The following SNX21 variants were observed in gnomAD, a reference collection of about 807,000 sequenced individuals.
The protein encoded by SNX21 is sorting nexin-21.
In SNX21, 36 loss-of-function variants were observed where a neutral mutation model predicts 30.9. The observed-to-expected ratio is 1.16, with a 90% confidence interval of 0.89 to 1.54. The LOEUF (loss-of-function observed/expected upper bound fraction) is 1.54, where lower values mean the gene tolerates loss of function less well. SNX21 is among the 40% of genes most tolerant of loss of function. The pLI is 0.00. For synonymous variants in SNX21, 218 were observed against 222.7 expected (o/e 0.98, Z 0.19); for missense variants, 508 against 516.5 (o/e 0.98, Z 0.16).
chr20:45,839,258 A>G (rs547442575), intron 3 of SNX21, among the ~76,000 whole-genome samples: 53 of 152,204 alleles, frequency 3.5e-4, no homozygotes, highest in South Asian at 1.2e-3. Flanking sequence ...GCTCACACCT[A>G]TAATCCCAGC....
At chr20:45,840,014 G>A (rs539520876) in intron 3 of SNX21, 95 of 356,094 alleles carry the variant, frequency 2.7e-4, no homozygotes, top group Non-Finnish European at 3.4e-4. Flanking sequence ...TCTCATTTTT[G>A]GACAAACACT....
chr20:45,836,776 C>A (rs2145739779), intron 3 of SNX21, among the ~76,000 whole-genome samples: 1 of 152,196 alleles, frequency 6.6e-6, no homozygotes, highest in South Asian at 2.1e-4. Flanking sequence ...CTGTGGGTAC[C>A]TGGATGGGAA....
At chr20:45,840,309 T>C in intron 3 of SNX21, 1 of 1,571,374 alleles carries the variant, frequency 6.4e-7, no homozygotes, top group East Asian at 2.3e-5. Flanking sequence ...TCAGCTTATG[T>C]CTGGTTTTCC....
chr20:45,839,321 C>T (rs1027140050), intron 3 of SNX21, among the ~76,000 whole-genome samples: 4 of 152,066 alleles, frequency 2.6e-5, no homozygotes, highest in Non-Finnish European at 5.9e-5. Flanking sequence ...CGAGACCATC[C>T]TGGCTAACAC....
chr20:45,837,762 TTTTC>T (rs757503300), intron 3 of SNX21, among the ~76,000 whole-genome samples: 1 of 152,058 alleles, frequency 6.6e-6, no homozygotes, highest in Non-Finnish European at 1.5e-5. Context: ...ACCTATTTTT[TTTTC>T]TTTATCTTTT....
rs1338116822 is a variant in SNX21 at position 45,834,185 on chromosome 20, C to T, written c.22-16C>T. Reference sequence around the variant, plus strand: ...TCCTCCGGGATCCGGTACACAGCGTCGCGCGCTCCCCCCAGGGTGCCATGG... The same window carrying T: ...TCCTCCGGGATCCGGTACACAGCGTTGCGCGCTCCCCCCAGGGTGCCATGG... On this transcript the variant is annotated splice_polypyrimidine_tract_variant and intron_variant, in intron 1 of 3. Transcript: ENST00000491381. 1 of 1,482,668 alleles carries T rather than the reference C, an allele frequency of 6.7e-7. No individual in the cohort carries two copies. Among genetic ancestry groups the T allele is most frequent in the Non-Finnish European group, 8.9e-7 (1 of 1,125,980 alleles). The allele number at this position is 1,482,668 out of a possible 1,614,324, so 91.8% of individuals were successfully genotyped here.
At position 45,834,338 on chromosome 20, in the gene SNX21, G is replaced by T; in HGVS notation, c.159G>T (p.Leu53=). Residue 53 remains leucine (L), a synonymous_variant, in exon 2 of 4, where the codon CTG becomes CTT. Transcript: ENST00000491381. The part of the protein sequence containing the change: ...SELEDDDAEG[L]SSRLSGTLSF... ...TGGAGGACGACGACGCCGAGGGCCTGTCCTCCCGACTCAGCGGCACCCTCA... is the reference window on the plus strand; with the variant it reads ...TGGAGGACGACGACGCCGAGGGCCTTTCCTCCCGACTCAGCGGCACCCTCA... The T allele has an allele frequency of 6.3e-7, 1 of 1,599,852 alleles. No individual in the cohort carries two copies.
Position 45,841,342 on chromosome 20 carries a change from GGA to G in SNX21, c.*33_*34del. ...TTGCCTAGATTTAAGGCCACTGTGA[GGA>G]GAGGGGTTGCCCCAGAAGGCAGGGG... On this transcript the variant is annotated 3_prime_UTR_variant, in exon 4 of 4. Transcript: ENST00000491381. 6.6e-7 allele frequency: 1 copy of G among 1,520,086 alleles called. No homozygotes were observed. The highest frequency in any genetic ancestry group is 1.3e-5 in the South Asian group (1 of 75,228). 94.2% of individuals were successfully genotyped at this position (1,520,086 alleles called of 1,614,324 possible).
chr20:45,834,444 G>T lies in SNX21; in HGVS notation c.265G>T (p.Asp89Tyr). ...TGGCCCTGACCAGCTGCCCCTCGGG[G>T]ATGGGACGTCAGGAGAAGACGCAGG... is the stretch of plus-strand genomic sequence containing the variant. The part of the protein sequence containing the change: ...EAGPDQLPLG[D>Y]GTSGEDAERS... The change falls in exon 2 of 4, where the codon GAT becomes TAT. Residue 89 changes from aspartate (D) to tyrosine (Y), a missense_variant. Coordinates refer to ENST00000491381, the MANE Select transcript of SNX21 (RefSeq NM_033421.4). 6.2e-7 allele frequency: 1 copy of T among 1,605,916 alleles called. No homozygotes were observed. Among genetic ancestry groups the T allele is most frequent in the Non-Finnish European group, 8.5e-7 (1 of 1,179,354 alleles).
At chr20:45,835,184 C>T (rs2145736541) in intron 3 of SNX21, 68 bp downstream of exon 3, 1 of 1,510,064 alleles carries the variant, frequency 6.6e-7, no homozygotes, top group South Asian at 1.3e-5. Context: ...TAGGGAAGAC[C>T]CCAACTTCCT....
rs753668905 is a variant in SNX21 at position 45,841,825 on chromosome 20, C to T, written c.*512C>T. 5.0e-6 allele frequency: 8 copies of T among 1,591,826 alleles called. No individual in the cohort carries two copies. In the South Asian group the frequency reaches 9.0e-5, roughly 18 times the overall value. On this transcript the variant is annotated 3_prime_UTR_variant, in exon 4 of 4. Transcript: ENST00000491381. ...GAGGTTCTTGAAGCCCCAGGCGAAG[C>T]TGGTACCTCTGGCTACAGCTTGCTC...
In SNX21 at chr20:45,834,199, A is replaced by T; in HGVS notation, c.22-2A>T. 6.6e-7 allele frequency: 1 copy of T among 1,511,506 alleles called. No homozygotes were observed. The highest frequency in any genetic ancestry group is 1.4e-5 in the African/African-American group (1 of 72,148). The allele number at this position is 1,511,506 out of a possible 1,614,324, so 93.6% of individuals were successfully genotyped here. A position where few individuals can be genotyped will look rare whatever the true frequency, so the allele number is the denominator to read the frequency against. The stretch of plus-strand genomic sequence containing the variant: ...GTACACAGCGTCGCGCGCTCCCCCC[A>T]GGGTGCCATGGCCTCCCGGCTCCTG... On this transcript the variant is annotated splice_acceptor_variant, in intron 1 of 3. Transcript: ENST00000491381. LOFTEE classifies it high-confidence loss of function.
chr20:45,840,610 A>T, intron 3 of SNX21, 29 bp from the exon 4 acceptor site: 12 of 1,613,956 alleles, frequency 7.4e-6, no homozygotes, highest in Non-Finnish European at 1.0e-5. Flanking sequence ...GACAACTTGC[A>T]TTTGCCCTGA....
At chr20:45,839,205 G>A (rs1983795569) in intron 3 of SNX21, among the ~76,000 whole-genome samples, 1 of 152,118 alleles carries the variant, frequency 6.6e-6, no homozygotes, top group Non-Finnish European at 1.5e-5. Context: ...TGCCCAAGAA[G>A]TCCTTTTTTT....
chr20:45,834,024 T>C (rs1280478841), intron 1 of SNX21, 84 bp downstream of exon 1: 10 of 1,422,322 alleles, frequency 7.0e-6, no homozygotes, highest in South Asian at 6.1e-5. Context: ...GCTGAGTGGG[T>C]TGGGGGGAAA....
In SNX21 at chr20:45,837,626, G is replaced by C. The variant is rs1057504309; in HGVS notation, c.447+2510G>C. On this transcript the variant is annotated intron_variant, in intron 3 of 3. Coordinates refer to ENST00000491381, the MANE Select transcript of SNX21 (RefSeq NM_033421.4). ...ATTCAGGTTCTCAGACCTGGGAGGC[G>C]GGGAACTTCGTGATCATCTTGTTCA... Among the ~76,000 whole-genome samples the C allele has an allele frequency of 7.2e-5, 11 of 152,236 alleles. 1 individual carries two copies. The highest frequency in any genetic ancestry group is 4.6e-4 in the Admixed American group (7 of 15,276).
Position 45,840,739 on chromosome 20 carries a change from A to T in SNX21, c.548A>T (p.Gln183Leu), listed in dbSNP as rs747676488. Residue 183 changes from glutamine to leucine, a missense_variant, in exon 4 of 4, where the codon CAG (glutamine) becomes CTG (leucine). Gln to Leu is a moderately radical substitution (Grantham distance 113). Transcript: ENST00000491381. ...SDFERLHRNL[Q>L]RQFRGPMAAI... ...TTTGAGCGGCTGCACCGAAACCTGCAGCGGCAATTCCGGGGCCCAATGGCT... is the reference window on the plus strand; with the variant it reads ...TTTGAGCGGCTGCACCGAAACCTGCTGCGGCAATTCCGGGGCCCAATGGCT... The T allele has an allele frequency of 2.5e-6, 4 of 1,614,024 alleles. No homozygotes were observed. The African/African-American group carries it at 5.3e-5, about 22-fold the overall frequency.
chr20:45,834,184 TCG>T lies in SNX21; in HGVS notation c.22-11_22-10del. 1 of 1,481,844 alleles carries T rather than the reference TCG, an allele frequency of 6.7e-7. No individual in the cohort carries two copies. Among genetic ancestry groups the T allele is most frequent in the South Asian group, 1.4e-5 (1 of 72,612 alleles). 91.8% of individuals were successfully genotyped at this position (1,481,844 alleles called of 1,614,324 possible). A position where few individuals can be genotyped will look rare whatever the true frequency, so the allele number is the denominator to read the frequency against. ...CTCCTCCGGGATCCGGTACACAGCG[TCG>T]CGCGCTCCCCCCAGGGTGCCATGGC... On this transcript the variant is annotated splice_polypyrimidine_tract_variant and intron_variant, in intron 1 of 3. Coordinates refer to ENST00000491381, the MANE Select transcript of SNX21 (RefSeq NM_033421.4).
In SNX21 at chr20:45,841,965, G is replaced by A. The variant is rs978015529; in HGVS notation, c.*652G>A. On this transcript the variant is annotated 3_prime_UTR_variant, in exon 4 of 4. Transcript: ENST00000491381. ...CAGCCCCCGAGAGCCACCTGTGGGT[G>A]AGGTGAAGGGTGATGATGGCCTGCT... The A allele has an allele frequency of 2.5e-6, 4 of 1,613,030 alleles. No homozygotes were observed. Among genetic ancestry groups the A allele is most frequent in the Middle Eastern group, 1.7e-4 (1 of 6,060 alleles).
Sources: allele counts gnomAD v4.1 joint callset (sites outside exome capture counted in the v4.1 genomes callset), GRCh38; gene constraint gnomAD v4.1.1; transcripts MANE v1.5; gene names NCBI Gene and HGNC (gene_info 2026-07-23, HGNC 2026-07-21).